The following SNX10 variants were observed in gnomAD, a reference collection of about 807,000 sequenced individuals.
SNX10 encodes the protein sorting nexin 10.
Under a neutral mutation model 28.5 loss-of-function variants are expected in SNX10, and 25 were observed. The observed-to-expected ratio is 0.88, with a 90% CI of 0.64 to 1.22. The LOEUF is 1.22. SNX10 is among the 50% of genes most tolerant of loss of function. SNX10 has a pLI of 0.00. For synonymous variants in SNX10, 62 were observed against 81.4 expected (o/e 0.76, Z 1.28); for missense variants, 223 against 242.6 (o/e 0.92, Z 0.54).
At chr7:26,345,881 G>C (rs1788364521) in intron 1 of SNX10, among the ~76,000 whole-genome samples, 2 of 152,084 alleles carry the variant, frequency 1.3e-5, no homozygotes, top group South Asian at 4.2e-4. Context: ...CAAACAACAG[G>C]CTGGCTGCAC....
At chr7:26,303,990 C>T (rs1173702887) in intron 1 of SNX10, among the ~76,000 whole-genome samples, 1 of 152,184 alleles carries the variant, frequency 6.6e-6, no homozygotes, top group Non-Finnish European at 1.5e-5. Flanking sequence ...TATTAACTTG[C>T]CCAATACTTG....
At position 26,359,794 on chromosome 7, in the gene SNX10, A is replaced by G. The variant is rs530492604; in HGVS notation, c.25-1181A>G. 1.9e-4 allele frequency among the ~76,000 whole-genome samples: 29 copies of G among 152,010 alleles called. No individual in the cohort carries two copies. In the South Asian group the frequency reaches 2.3e-3, roughly 12 times the overall value. Reference sequence around the variant, plus strand: ...TTCTCCTGCCTCACAAGTAGCTGGGACTACAGGCACACGCCACCACGCCCA... The same window carrying G: ...TTCTCCTGCCTCACAAGTAGCTGGGGCTACAGGCACACGCCACCACGCCCA... On this transcript the variant is annotated intron_variant, in intron 2 of 6. Coordinates refer to ENST00000338523, the MANE Select transcript of SNX10 (RefSeq NM_013322.3).
chr7:26,345,771 T>C (rs1297465383), intron 1 of SNX10, among the ~76,000 whole-genome samples: 2 of 152,152 alleles, frequency 1.3e-5, no homozygotes, highest in Admixed American at 6.5e-5. Context: ...AAATTTGCTT[T>C]TTGTTTTTGG....
chr7:26,306,474 T>C (rs909630289), intron 1 of SNX10, among the ~76,000 whole-genome samples: 1 of 151,552 alleles, frequency 6.6e-6, no homozygotes, highest in Admixed American at 6.6e-5. Flanking sequence ...TGTAGTGATA[T>C]GATCATGGCT....
chr7:26,358,775 C>A (rs1017039084), intron 2 of SNX10, among the ~76,000 whole-genome samples: 2 of 146,206 alleles, frequency 1.4e-5, no homozygotes, highest in African/African-American at 5.2e-5. Context: ...GAAATAATGG[C>A]CAAAGAGCAT....
chr7:26,332,368 C>T (rs1209447974), intron 1 of SNX10, among the ~76,000 whole-genome samples: 1 of 152,136 alleles, frequency 6.6e-6, no homozygotes, highest in Non-Finnish European at 1.5e-5. Context: ...TGCTTATTCA[C>T]CATTTGTATA....
At chr7:26,339,089 T>A (rs1176455571) in intron 1 of SNX10, among the ~76,000 whole-genome samples, 1 of 152,170 alleles carries the variant, frequency 6.6e-6, no homozygotes, top group Non-Finnish European at 1.5e-5. Flanking sequence ...AAGAAAGGGG[T>A]CTTTTCGGGA....
chr7:26,313,665 C>T (rs774359807), intron 1 of SNX10, among the ~76,000 whole-genome samples: 1 of 152,060 alleles, frequency 6.6e-6, no homozygotes, highest in Non-Finnish European at 1.5e-5. Context: ...AACCCCACCC[C>T]CTGTTTGTCC....
chr7:26,372,112 T>C (rs2128029720), intron 6 of SNX10, 79 bp downstream of exon 6: 1 of 896,878 alleles, frequency 1.1e-6, no homozygotes, highest in East Asian at 2.6e-5. Flanking sequence ...TATAGATATA[T>C]ATACACACTT....
intron 6 of SNX10, 200 bp from the exon 7 acceptor site, chr7:26,372,291 C>A: frequency 1.7e-6 from 1 of 596,020 alleles, no homozygotes; most frequent in Non-Finnish European, 3.0e-6. Flanking sequence ...TTCATTTAGT[C>A]AGACTTGAAT....
intron 1 of SNX10, among the ~76,000 whole-genome samples, chr7:26,336,329 C>G (rs540964820): frequency 1.3e-5 from 2 of 151,398 alleles, no homozygotes; most frequent in South Asian, 4.2e-4. Context: ...ACTGTTAATT[C>G]TTAATTTTAT....
intron 5 of SNX10, chr7:26,370,693 CTTA>C (rs1789488616): frequency 6.6e-6 from 1 of 152,024 alleles, no homozygotes; most frequent in Admixed American, 6.5e-5. Flanking sequence ...ATTTACTTTC[CTTA>C]TTACTTGTTT....
At chr7:26,340,280 T>C (rs1442759700) in intron 1 of SNX10, among the ~76,000 whole-genome samples, 1 of 152,186 alleles carries the variant, frequency 6.6e-6, no homozygotes, top group Non-Finnish European at 1.5e-5. Flanking sequence ...TGCAAACTAC[T>C]GCCACCAGTT....
intron 6 of SNX10, 66 bp from the exon 7 acceptor site, chr7:26,372,425 G>A (rs1789593169): frequency 2.0e-6 from 2 of 976,486 alleles, no homozygotes; most frequent in East Asian, 4.8e-5. Context: ...CTGTTACTCA[G>A]GCTTTGAGTG....
At chr7:26,306,072 T>TC (rs1484134604) in intron 1 of SNX10, among the ~76,000 whole-genome samples, 2 of 124,544 alleles carry the variant, frequency 1.6e-5, no homozygotes, top group African/African-American at 5.8e-5. Context: ...ATTTTTTGTA[T>TC]TTTTTTTTTT....
chr7:26,365,123 G>A lies in SNX10; in HGVS notation c.289G>A (p.Gly97Ser). Residue 97 changes from glycine (G) to serine (S), a missense_variant, in exon 5 of 7, where the codon GGT becomes AGT. Coordinates refer to ENST00000338523, the MANE Select transcript of SNX10 (RefSeq NM_013322.3). ...NRQHVDQRRQ[G>S]LEDFLRKVLQ... ...CCAGCACGTGGATCAGCGTCGCCAG[G>A]GTCTGGAAGATTTCCTCAGAAAGTG... is the stretch of plus-strand genomic sequence containing the variant. 1 of 1,612,032 alleles carries A rather than the reference G, an allele frequency of 6.2e-7. No individual in the cohort carries two copies.
chr7:26,351,582 G>A (rs1383437818), intron 2 of SNX10, among the ~76,000 whole-genome samples: 4 of 151,112 alleles, frequency 2.6e-5, no homozygotes, highest in East Asian at 1.9e-4. Context: ...AATGTATCTC[G>A]AGTGGGATCC....
chr7:26,297,338 C>T (rs1786150767), intron 1 of SNX10, among the ~76,000 whole-genome samples: 1 of 152,160 alleles, frequency 6.6e-6, no homozygotes, highest in Non-Finnish European at 1.5e-5. Flanking sequence ...TCGTGACCCG[C>T]CCGTCTCGGC....
chr7:26,359,538 T>C (rs1459458086), intron 2 of SNX10, among the ~76,000 whole-genome samples: 1 of 152,222 alleles, frequency 6.6e-6, no homozygotes, highest in Non-Finnish European at 1.5e-5. Flanking sequence ...AGTTAGCAAG[T>C]TTATGATCAC....
Sources: allele counts gnomAD v4.1 joint callset (sites outside exome capture counted in the v4.1 genomes callset), GRCh38; gene constraint gnomAD v4.1.1; transcripts MANE v1.5; gene names NCBI Gene and HGNC (gene_info 2026-07-23, HGNC 2026-07-21).